BNC2: variants seen among roughly 807,000 people sequenced by gnomAD.
BNC2 encodes the protein zinc finger protein basonuclin-2.
A neutral mutation model predicts 76.3 loss-of-function variants in BNC2; 20 were observed. The observed-to-expected ratio is 0.26, with a 90% CI of 0.18 to 0.38. The LOEUF is 0.38. BNC2 is among the 10% of genes least tolerant of loss of function. BNC2 has a pLI of 1.00. For missense variants in BNC2, 1,382 were observed against 1,399.8 expected, an observed-to-expected ratio of 0.99 and a Z score of 0.20; for synonymous variants, 582 against 514.8, an observed-to-expected ratio of 1.13 and a Z score of -1.77.
At chr9:16,442,887 C>G (rs1821156451) in intron 5 of BNC2, among the ~76,000 whole-genome samples, 1 of 151,938 alleles carries the variant, frequency 6.6e-6, no homozygotes, top group Non-Finnish European at 1.5e-5. Context: ...AGGCGGATCA[C>G]CTGGGGTCAG....
chr9:16,693,073 T>G (rs1456439087), intron 3 of BNC2, among the ~76,000 whole-genome samples: 2 of 126,964 alleles, frequency 1.6e-5, no homozygotes, highest in African/African-American at 3.1e-5. Flanking sequence ...GAGGTTGCAG[T>G]GAGCCGAGAT....
intron 4 of BNC2, among the ~76,000 whole-genome samples, chr9:16,564,207 C>T (rs1266524441): frequency 2.0e-5 from 3 of 152,164 alleles, no homozygotes; most frequent in African/African-American, 7.2e-5. Flanking sequence ...AGCTCTGCCA[C>T]TTACTTGCTG....
intron 2 of BNC2, 133 bp downstream of exon 2, chr9:16,738,227 T>G (rs542168526): frequency 4.0e-6 from 4 of 1,002,224 alleles, no homozygotes; most frequent in East Asian, 5.2e-5. Flanking sequence ...CTGAGTTTCA[T>G]AGAATGAGGA....
chr9:16,437,488 T>A lies in BNC2; in HGVS notation c.706A>T (p.Met236Leu), dbSNP rs1206313947. The A allele has an allele frequency of 6.2e-7, 1 of 1,613,632 alleles. No homozygotes were observed. Among genetic ancestry groups the A allele is most frequent in the South Asian group, 1.1e-5 (1 of 91,072 alleles). The change falls in exon 6 of 7, where the codon ATG becomes TTG. Residue 236 changes from methionine to leucine, a missense_variant. Physicochemically the swap from Met to Leu is conservative, Grantham distance 15. Coordinates refer to ENST00000380672, the MANE Select transcript of BNC2 (RefSeq NM_017637.6). ...GTGATGATTTCCTCTTCTCGAGACATGATGGCCCAGCGGTCCAGCACCTTG... is the reference window on the plus strand; with the variant it reads ...GTGATGATTTCCTCTTCTCGAGACAAGATGGCCCAGCGGTCCAGCACCTTG... ...AGKVLDRWAI[M>L]SREEEIITLQ...
intron 5 of BNC2, among the ~76,000 whole-genome samples, chr9:16,443,671 G>C (rs545918646): frequency 6.6e-6 from 1 of 152,034 alleles, no homozygotes; most frequent in Non-Finnish European, 1.5e-5. Context: ...ACAATAAAAA[G>C]AACTAAGCTA....
At chr9:16,463,637 G>C (rs1165772273) in intron 5 of BNC2, among the ~76,000 whole-genome samples, 1 of 152,036 alleles carries the variant, frequency 6.6e-6, no homozygotes, top group Non-Finnish European at 1.5e-5. Context: ...TATACTTGAT[G>C]CTATCTCACC....
chr9:16,630,262 A>ACTAGTC (rs1209170775), intron 3 of BNC2, among the ~76,000 whole-genome samples: 12 of 152,252 alleles, frequency 7.9e-5, no homozygotes, highest in Non-Finnish European at 1.3e-4. Flanking sequence ...AATAAAGAAT[A>ACTAGTC]CTAGTCTAAG....
At chr9:16,603,120 T>G (rs1415340484) in intron 3 of BNC2, among the ~76,000 whole-genome samples, 1 of 152,192 alleles carries the variant, frequency 6.6e-6, no homozygotes, top group Non-Finnish European at 1.5e-5. Context: ...AAACCAGTAA[T>G]AGATTAGGTT....
At chr9:16,441,311 A>C (rs1247198822) in intron 5 of BNC2, among the ~76,000 whole-genome samples, 1 of 152,212 alleles carries the variant, frequency 6.6e-6, no homozygotes, top group Non-Finnish European at 1.5e-5. Flanking sequence ...CAAAAACCAA[A>C]AAATCATTAT....
chr9:16,608,643 C>T (rs186137222), intron 3 of BNC2, among the ~76,000 whole-genome samples: 7 of 152,166 alleles, frequency 4.6e-5, no homozygotes, highest in African/African-American at 1.4e-4. Context: ...GTACCTGGGA[C>T]CACAGGTGCA....
chr9:16,745,049 AC>A (rs1563923979), intron 1 of BNC2, among the ~76,000 whole-genome samples: 1 of 152,176 alleles, frequency 6.6e-6, no homozygotes, highest in Non-Finnish European at 1.5e-5. Flanking sequence ...TAACTGCAGA[AC>A]CTTTTACTAA....
chr9:16,716,598 CG>C (rs1173038667), intron 3 of BNC2, among the ~76,000 whole-genome samples: 1 of 152,166 alleles, frequency 6.6e-6, no homozygotes, highest in East Asian at 1.9e-4. Context: ...AGGGAAGCAA[CG>C]GCCTTCTCAT....
rs543289321 is a variant in BNC2 at position 16,557,235 on chromosome 9, A to T, written c.434-4470T>A. ...ATTTTCAGGCCAGGCACCGTGGCTCACACCTGTAATCCCAGCACTTTGGGA... is the reference window on the plus strand; with the variant it reads ...ATTTTCAGGCCAGGCACCGTGGCTCTCACCTGTAATCCCAGCACTTTGGGA... On this transcript the variant is annotated intron_variant, in intron 4 of 6. Coordinates refer to ENST00000380672, the MANE Select transcript of BNC2 (RefSeq NM_017637.6). Among the ~76,000 whole-genome samples, 358 of 152,294 alleles carry T rather than the reference A, an allele frequency of 2.4e-3. 5 individuals are homozygous for T. Among genetic ancestry groups the T allele is most frequent in the African/African-American group, 8.0e-3 (334 of 41,572 alleles).
At chr9:16,785,727 G>A (rs887902002) in intron 1 of BNC2, among the ~76,000 whole-genome samples, 22 of 150,548 alleles carry the variant, frequency 1.5e-4, no homozygotes, top group African/African-American at 4.9e-4. Context: ...CAGGCTGGGC[G>A]CATCCATTCT....
At chr9:16,625,512 G>T (rs1477840480) in intron 3 of BNC2, among the ~76,000 whole-genome samples, 5 of 152,144 alleles carry the variant, frequency 3.3e-5, no homozygotes, top group Admixed American at 6.5e-5. Flanking sequence ...GAGAACGGGG[G>T]AAATAAGGAA....
intron 5 of BNC2, among the ~76,000 whole-genome samples, chr9:16,486,521 T>C (rs900595410): frequency 1.3e-5 from 2 of 152,240 alleles, no homozygotes; most frequent in African/African-American, 4.8e-5. Flanking sequence ...ATCTGCAAGA[T>C]TCTCTTCATG....
At chr9:16,487,438 A>G (rs1029130151) in intron 5 of BNC2, among the ~76,000 whole-genome samples, 3 of 152,262 alleles carry the variant, frequency 2.0e-5, no homozygotes, top group South Asian at 2.1e-4. Context: ...ACGGAGAGCC[A>G]TAACTTTGAG....
intron 5 of BNC2, among the ~76,000 whole-genome samples, chr9:16,534,484 T>A (rs923276406): frequency 6.6e-6 from 1 of 152,190 alleles, no homozygotes; most frequent in Non-Finnish European, 1.5e-5. Context: ...AAAATTGAAA[T>A]ACATTGTCAT....
chr9:16,597,848 TA>T (rs1257568391), intron 3 of BNC2, among the ~76,000 whole-genome samples: 1 of 152,074 alleles, frequency 6.6e-6, no homozygotes, highest in Non-Finnish European at 1.5e-5. Context: ...ATTTATCGTA[TA>T]AAGATGATAT....
Sources: gnomAD v4.1 joint callset for allele counts (sites outside exome capture counted in the v4.1 genomes callset) on GRCh38, gnomAD v4.1.1 for gene constraint, MANE v1.5 for transcripts, NCBI Gene and HGNC (gene_info 2026-07-23, HGNC 2026-07-21) for gene names.